Variants in TPST1 observed in about 807,000 individuals in gnomAD.
The protein encoded by TPST1 is tyrosylprotein sulfotransferase 1.
TPST1 carries 20 observed loss-of-function variants against 34.8 expected under a neutral mutation model. The observed-to-expected ratio is 0.57, with a 90% CI of 0.40 to 0.84. The LOEUF (loss-of-function observed/expected upper bound fraction) is 0.84. Among genes scored for constraint, TPST1 ranks in the 40% least tolerant of loss-of-function variants. TPST1 has a pLI of 0.00. For missense variants in TPST1, 353 were observed against 455.5 expected (o/e 0.78, Z 2.05); for synonymous variants, 152 against 159.4 (o/e 0.95, Z 0.35).
At chr7:66,299,016 C>T (rs1399643550) in intron 3 of TPST1, among the ~76,000 whole-genome samples, 1 of 151,652 alleles carries the variant, frequency 6.6e-6, no homozygotes, top group Non-Finnish European at 1.5e-5. Context: ...GTCCCAGCTA[C>T]TTGGGAGGCT....
chr7:66,213,034 G>C (rs951489063), intron 1 of TPST1, among the ~76,000 whole-genome samples: 2 of 152,050 alleles, frequency 1.3e-5, no homozygotes, highest in African/African-American at 4.8e-5. Flanking sequence ...TGATGTGTCT[G>C]CACGAATTTC....
chr7:66,276,242 C>A (rs1437996506), intron 2 of TPST1, among the ~76,000 whole-genome samples: 1 of 150,762 alleles, frequency 6.6e-6, no homozygotes, highest in African/African-American at 2.4e-5. Context: ...TTAGTATTTG[C>A]TGTGTTCCCT....
At chr7:66,207,623 A>G (rs76809638) in intron 1 of TPST1, among the ~76,000 whole-genome samples, 3,006 of 151,870 alleles carry the variant, frequency 0.02, 66 homozygotes, top group East Asian at 0.093. Flanking sequence ...TCTTTTCTCT[A>G]ATTTCCTTGT....
the TPST1 span, among the ~76,000 whole-genome samples, chr7:66,199,294 CTT>C: frequency 3.2e-5 from 4 of 125,876 alleles, no homozygotes. Flanking sequence ...TCATCTCCTT[CTT>C]TTTTTTTTTT....
chr7:66,270,725 A>T (rs73144219), intron 2 of TPST1, among the ~76,000 whole-genome samples: 13,702 of 152,234 alleles, frequency 0.09, 748 homozygotes, highest in Non-Finnish European at 0.11. Flanking sequence ...ATTATCCAGC[A>T]TGTTCTTCTG....
chr7:66,327,028 A>G (rs971906638), intron 3 of TPST1, among the ~76,000 whole-genome samples: 1 of 152,194 alleles, frequency 6.6e-6, no homozygotes, highest in Non-Finnish European at 1.5e-5. Flanking sequence ...TTTAGAGATA[A>G]TGAGCATCTG....
At chr7:66,269,653 TA>T (rs1227783537) in intron 2 of TPST1, among the ~76,000 whole-genome samples, 1 of 152,248 alleles carries the variant, frequency 6.6e-6, no homozygotes, top group African/African-American at 2.4e-5. Context: ...ATATGCCCAG[TA>T]ATATTCCAGC....
At chr7:66,265,549 CAAAA>C (rs61289876) in intron 2 of TPST1, among the ~76,000 whole-genome samples, 12 of 129,208 alleles carry the variant, frequency 9.3e-5, no homozygotes, top group Non-Finnish European at 1.8e-4. Flanking sequence ...AACCCTGTCT[CAAAA>C]AAAAAAAAAA....
intron 3 of TPST1, among the ~76,000 whole-genome samples, chr7:66,311,224 A>G (rs1584229740): frequency 6.6e-6 from 1 of 151,256 alleles, no homozygotes; most frequent in African/African-American, 2.4e-5. Flanking sequence ...GTAGCCTTAA[A>G]CTCCCCTGGG....
At chr7:66,307,880 C>T (rs1053172511) in intron 3 of TPST1, among the ~76,000 whole-genome samples, 3 of 152,212 alleles carry the variant, frequency 2.0e-5, no homozygotes, top group African/African-American at 7.2e-5. Context: ...AGAGCCTCCT[C>T]TGCTGAGATT....
chr7:66,224,901 C>CTTTT (rs780952403), intron 1 of TPST1, among the ~76,000 whole-genome samples: 1,119 of 42,476 alleles, frequency 0.026, 142 homozygotes, highest in Middle Eastern at 0.067. Context: ...TTCTGGTATT[C>CTTTT]TTTTTTTTTT....
intron 2 of TPST1, among the ~76,000 whole-genome samples, chr7:66,258,763 C>T (rs1474923672): frequency 6.6e-6 from 1 of 152,210 alleles, no homozygotes; most frequent in Non-Finnish European, 1.5e-5. Context: ...TCTTACGCTC[C>T]TTAGACCACT....
intron 2 of TPST1, among the ~76,000 whole-genome samples, chr7:66,248,097 A>C (rs1223123883): frequency 1.3e-5 from 2 of 152,238 alleles, no homozygotes; most frequent in Non-Finnish European, 2.9e-5. Flanking sequence ...GATGAGTAAC[A>C]ATGTGGTGTT....
At chr7:66,337,467 C>T (rs931890359) in intron 3 of TPST1, among the ~76,000 whole-genome samples, 4 of 151,952 alleles carry the variant, frequency 2.6e-5, no homozygotes, top group African/African-American at 9.7e-5. Flanking sequence ...TGCCAACACA[C>T]CTGGCTTATT....
intron 2 of TPST1, among the ~76,000 whole-genome samples, chr7:66,255,455 C>T (rs1790365753): frequency 1.3e-5 from 2 of 152,112 alleles, no homozygotes; most frequent in South Asian, 4.1e-4. Context: ...AATTGGTAAA[C>T]AGAATTCCCA....
chr7:66,232,203 T>TC (rs2116351624), intron 1 of TPST1, among the ~76,000 whole-genome samples: 1 of 144,254 alleles, frequency 6.9e-6, no homozygotes, highest in East Asian at 2.0e-4. Flanking sequence ...TAAAAAAAAT[T>TC]TTTTTTTTTT....
chr7:66,284,606 G>A (rs1335148750), intron 2 of TPST1, among the ~76,000 whole-genome samples: 1 of 142,570 alleles, frequency 7.0e-6, no homozygotes, highest in African/African-American at 2.6e-5. Context: ...GCCTAGTCTG[G>A]AGTGCAGTGG....
At chr7:66,350,799 C>A (rs544230939) in intron 3 of TPST1, among the ~76,000 whole-genome samples, 1 of 152,250 alleles carries the variant, frequency 6.6e-6, no homozygotes, top group East Asian at 1.9e-4. Context: ...GATTGCTTTT[C>A]CACTCTTCAT....
intron 1 of TPST1, among the ~76,000 whole-genome samples, chr7:66,213,594 A>G (rs1048542037): frequency 2.0e-5 from 3 of 152,132 alleles, no homozygotes; most frequent in African/African-American, 7.2e-5. Context: ...TCTCTACTAA[A>G]AATAAAAAAA....
Sources: gnomAD v4.1 joint callset for allele counts (sites outside exome capture counted in the v4.1 genomes callset) on GRCh38, gnomAD v4.1.1 for gene constraint, MANE v1.5 for transcripts, NCBI Gene and HGNC (gene_info 2026-07-23, HGNC 2026-07-21) for gene names.